PRKCA: variants seen among roughly 807,000 people sequenced by gnomAD.
PRKCA encodes protein kinase C alpha.
A neutral mutation model predicts 87.0 loss-of-function variants in PRKCA; 27 were observed. The observed-to-expected ratio is 0.31, with a 90% CI of 0.23 to 0.43. PRKCA has a LOEUF of 0.43. Ranked by LOEUF, PRKCA falls within the 20% of genes least tolerant of loss-of-function variation. The pLI, the probability that PRKCA is intolerant of heterozygous loss-of-function variation, is 1.00. For synonymous variants in PRKCA, 329 were observed against 311.1 expected, an observed-to-expected ratio of 1.06 and a Z score of -0.61; for missense variants, 518 against 852.3, an observed-to-expected ratio of 0.61 and a Z score of 4.88.
At position 66,804,226 on chromosome 17, in the gene PRKCA, A is replaced by G. The variant is rs972240536; in HGVS notation, c.*189A>G. 1.5e-5 allele frequency: 11 copies of G among 725,460 alleles called. No individual in the cohort carries two copies. The East Asian group carries it at 2.6e-4, about 17-fold the overall frequency. The allele number at this position is 725,460 out of a possible 1,614,324, so 44.9% of individuals were successfully genotyped here. A position where few individuals can be genotyped will look rare whatever the true frequency, so the allele number is the denominator to read the frequency against. ...TCTCTCTCTTACAACCAAGAACATT[A>G]TCTTAGTGGAAGATGGTACGTCATG... On this transcript the variant is annotated 3_prime_UTR_variant, in exon 17 of 17. Coordinates refer to ENST00000413366, the MANE Select transcript of PRKCA (RefSeq NM_002737.3).
intron 5 of PRKCA, among the ~76,000 whole-genome samples, chr17:66,646,323 C>G (rs1971453786): frequency 6.6e-6 from 1 of 152,172 alleles, no homozygotes; most frequent in South Asian, 2.1e-4. Context: ...CATCGGCACA[C>G]TCAGTCAAGT....
chr17:66,346,097 T>C (rs1225586611), intron 2 of PRKCA, among the ~76,000 whole-genome samples: 1 of 138,520 alleles, frequency 7.2e-6, no homozygotes. Context: ...CTTTTTTTGC[T>C]TTTTTTTTTT....
At chr17:66,483,872 A>G (rs1434515892) in intron 2 of PRKCA, among the ~76,000 whole-genome samples, 1 of 152,122 alleles carries the variant, frequency 6.6e-6, no homozygotes, top group African/African-American at 2.4e-5. Flanking sequence ...TTTCCAAGTC[A>G]GATCACATTC....
At chr17:66,577,557 C>T (rs1447634276) in intron 3 of PRKCA, among the ~76,000 whole-genome samples, 1 of 152,160 alleles carries the variant, frequency 6.6e-6, no homozygotes, top group African/African-American at 2.4e-5. Context: ...AATAGCTCAG[C>T]CCCTGGCCTG....
At chr17:66,756,523 C>G (rs1051765049) in intron 13 of PRKCA, among the ~76,000 whole-genome samples, 1 of 151,910 alleles carries the variant, frequency 6.6e-6, no homozygotes, top group African/African-American at 2.4e-5. Context: ...CATGTCCAGC[C>G]CTCAAGAAAA....
intron 2 of PRKCA, among the ~76,000 whole-genome samples, chr17:66,350,573 A>G (rs1273732182): frequency 6.6e-6 from 1 of 152,162 alleles, no homozygotes; most frequent in East Asian, 1.9e-4. Flanking sequence ...CCCAGGCTGC[A>G]GTGCAGTGGC....
At position 66,464,453 on chromosome 17, in the gene PRKCA, C is replaced by A. The variant is rs545281342; in HGVS notation, c.206-31748C>A. ...GTTTTTTAAGAAACTGCCAAACTGTCTTCCAAAGTGGCTGTACCATTTTGC... is the reference window on the plus strand; with the variant it reads ...GTTTTTTAAGAAACTGCCAAACTGTATTCCAAAGTGGCTGTACCATTTTGC... On this transcript the variant is annotated intron_variant, in intron 2 of 16. Coordinates refer to ENST00000413366, the MANE Select transcript of PRKCA (RefSeq NM_002737.3). Among the ~76,000 whole-genome samples the A allele has an allele frequency of 9.8e-5, 15 of 152,304 alleles. No homozygotes were observed. In the South Asian group the frequency reaches 2.9e-3, roughly 30 times the overall value.
chr17:66,454,234 T>C (rs1332910990), intron 2 of PRKCA, among the ~76,000 whole-genome samples: 1 of 152,194 alleles, frequency 6.6e-6, no homozygotes, highest in Non-Finnish European at 1.5e-5. Context: ...CCCTGTGGAC[T>C]CCCTGGTCAG....
intron 3 of PRKCA, among the ~76,000 whole-genome samples, chr17:66,556,625 A>T (rs1968503174): frequency 6.6e-6 from 1 of 152,160 alleles, no homozygotes. Flanking sequence ...ACAGTTGGAG[A>T]CAACTAAATC....
intron 3 of PRKCA, among the ~76,000 whole-genome samples, chr17:66,531,259 G>T (rs990521389): frequency 6.6e-6 from 1 of 152,186 alleles, no homozygotes; most frequent in Non-Finnish European, 1.5e-5. Flanking sequence ...TTCACATAGG[G>T]TTCTGCAGCC....
chr17:66,727,053 G>C (rs183972957), intron 8 of PRKCA, among the ~76,000 whole-genome samples: 91 of 152,242 alleles, frequency 6.0e-4, no homozygotes, highest in African/African-American at 2.1e-3. Flanking sequence ...TAGCCCGCCA[G>C]CGAGAGCAAC....
intron 2 of PRKCA, among the ~76,000 whole-genome samples, chr17:66,368,241 A>G (rs2143516299): frequency 6.6e-6 from 1 of 151,754 alleles, no homozygotes; most frequent in African/African-American, 2.4e-5. Context: ...ATTGTTGACA[A>G]TTCCAGTGAC....
chr17:66,374,608 A>G (rs1367456860), intron 2 of PRKCA, among the ~76,000 whole-genome samples: 1 of 152,142 alleles, frequency 6.6e-6, no homozygotes, highest in Non-Finnish European at 1.5e-5. Flanking sequence ...GACACTGTTA[A>G]AGGGAGCAGG....
At chr17:66,340,981 A>G (rs560322566) in intron 2 of PRKCA, among the ~76,000 whole-genome samples, 1 of 152,154 alleles carries the variant, frequency 6.6e-6, no homozygotes, top group South Asian at 2.1e-4. Flanking sequence ...TTGAGTCCTT[A>G]TATTATTTAT....
At chr17:66,668,465 G>A (rs1485237010) in intron 5 of PRKCA, among the ~76,000 whole-genome samples, 2 of 152,152 alleles carry the variant, frequency 1.3e-5, no homozygotes, top group Non-Finnish European at 2.9e-5. Context: ...CTGTGAATTG[G>A]ATATGATCCT....
chr17:66,492,116 C>T (rs925360841), intron 2 of PRKCA, among the ~76,000 whole-genome samples: 9 of 152,154 alleles, frequency 5.9e-5, no homozygotes, highest in Non-Finnish European at 1.3e-4. Flanking sequence ...CCTCAGATAA[C>T]GTGTCTATGA....
intron 2 of PRKCA, among the ~76,000 whole-genome samples, chr17:66,490,546 G>A (rs755631927): frequency 1.3e-5 from 2 of 151,636 alleles, no homozygotes; most frequent in Non-Finnish European, 2.9e-5. Context: ...GGGTTTCACC[G>A]TGTTAGCCAG....
At chr17:66,630,331 G>A (rs1390178798) in intron 3 of PRKCA, among the ~76,000 whole-genome samples, 1 of 152,164 alleles carries the variant, frequency 6.6e-6, no homozygotes, top group Non-Finnish European at 1.5e-5. Context: ...AAGACATACA[G>A]GAATATCTGT....
chr17:66,781,885 ATAGTGT>A (rs1375420400), intron 14 of PRKCA, among the ~76,000 whole-genome samples: 5 of 131,412 alleles, frequency 3.8e-5, no homozygotes, highest in Admixed American at 2.2e-4. Flanking sequence ...ATATATATAT[ATAGTGT>A]GTGTGTGTGT....
Sources: gnomAD v4.1 joint callset for allele counts (sites outside exome capture counted in the v4.1 genomes callset) on GRCh38, gnomAD v4.1.1 for gene constraint, MANE v1.5 for transcripts, NCBI Gene and HGNC (gene_info 2026-07-23, HGNC 2026-07-21) for gene names.